TOP6BL: variants seen among roughly 807,000 people sequenced by gnomAD.
The protein encoded by TOP6BL is TOP6B like initiator of meiotic double strand breaks, also known as type 2 DNA topoisomerase 6 subunit B-like.
chr11:66,756,514 T>C, the TOP6BL span: 2 of 1,034,388 alleles, frequency 1.9e-6, no homozygotes, highest in Non-Finnish European at 2.3e-6. Flanking sequence ...GGGTGAGGAG[T>C]GCTTCCACCT....
At chr11:66,798,084 A>T in the TOP6BL span, among the ~76,000 whole-genome samples, 1 of 152,144 alleles carries the variant, frequency 6.6e-6, no homozygotes, top group Non-Finnish European at 1.5e-5. Flanking sequence ...TAACTTGAAG[A>T]GTCAGGATTT....
chr11:66,806,645 G>A, the TOP6BL span, among the ~76,000 whole-genome samples: 1 of 152,112 alleles, frequency 6.6e-6, no homozygotes, highest in African/African-American at 2.4e-5. Context: ...GCACATGACT[G>A]TAGTCCCAGC....
the TOP6BL span, chr11:66,815,962 CCTT>C: frequency 1.3e-5 from 16 of 1,277,554 alleles, no homozygotes; most frequent in Non-Finnish European, 1.7e-5. Context: ...ATTCTCAGAT[CCTT>C]CTTTGTTCAG....
chr11:66,801,005 T>C, the TOP6BL span: 1 of 1,610,568 alleles, frequency 6.2e-7, no homozygotes, highest in Non-Finnish European at 8.5e-7. Context: ...CTTTGAGAGA[T>C]GGCTTAGCTT....
At chr11:66,777,081 A>C in the TOP6BL span, among the ~76,000 whole-genome samples, 6 of 149,210 alleles carry the variant, frequency 4.0e-5, no homozygotes, top group African/African-American at 7.3e-5. Flanking sequence ...CTATATCTAT[A>C]TATATCTATA....
the TOP6BL span, chr11:66,842,946 A>C: frequency 3.9e-6 from 6 of 1,556,354 alleles, no homozygotes; most frequent in Non-Finnish European, 5.2e-6. Flanking sequence ...CGAGCCCGTC[A>C]GAGGCCGCCC....
the TOP6BL span, among the ~76,000 whole-genome samples, chr11:66,789,502 G>GAT: frequency 6.6e-6 from 1 of 152,156 alleles, no homozygotes; most frequent in African/African-American, 2.4e-5. Flanking sequence ...CAGGACAACA[G>GAT]ATATCCCTGG....
At chr11:66,833,615 T>A in the TOP6BL span, among the ~76,000 whole-genome samples, 1 of 152,072 alleles carries the variant, frequency 6.6e-6, no homozygotes, top group African/African-American at 2.4e-5. Context: ...TCTGAAGTAC[T>A]TTTACTTGGG....
At chr11:66,807,857 T>G in the TOP6BL span, among the ~76,000 whole-genome samples, 1 of 152,188 alleles carries the variant, frequency 6.6e-6, no homozygotes, top group East Asian at 1.9e-4. Context: ...AAGGGATAAC[T>G]AGAAGGCTAT....
the TOP6BL span, among the ~76,000 whole-genome samples, chr11:66,763,183 A>C: frequency 6.6e-6 from 1 of 152,248 alleles, no homozygotes; most frequent in South Asian, 2.1e-4. Flanking sequence ...CCTGGGTGAC[A>C]GAGTAAGACT....
At chr11:66,757,074 G>A in the TOP6BL span, among the ~76,000 whole-genome samples, 1 of 151,820 alleles carries the variant, frequency 6.6e-6, no homozygotes, top group Non-Finnish European at 1.5e-5. Context: ...CAGGCACTGT[G>A]GCTCATACCT....
At chr11:66,747,285 T>C in the TOP6BL span, among the ~76,000 whole-genome samples, 1 of 152,218 alleles carries the variant, frequency 6.6e-6, no homozygotes, top group Non-Finnish European at 1.5e-5. Flanking sequence ...ACTTAAAATA[T>C]TGTGTGTAGT....
At chr11:66,813,927 T>A in the TOP6BL span, 44 of 1,613,750 alleles carry the variant, frequency 2.7e-5, no homozygotes, top group East Asian at 8.9e-4. Context: ...AGCCGATGAC[T>A]ACTTTCTTCA....
At chr11:66,815,812 AGG>A in the TOP6BL span, 1 of 385,776 alleles carries the variant, frequency 2.6e-6, no homozygotes, top group Non-Finnish European at 4.7e-6. Flanking sequence ...AGTAATGTAA[AGG>A]AGTGCTGTTT....
At chr11:66,804,859 C>T in the TOP6BL span, among the ~76,000 whole-genome samples, 1 of 152,076 alleles carries the variant, frequency 6.6e-6, no homozygotes, top group African/African-American at 2.4e-5. Flanking sequence ...ATCACAAGGT[C>T]AGGACTTGGA....
chr11:66,797,251 C>T, the TOP6BL span, among the ~76,000 whole-genome samples: 1 of 151,932 alleles, frequency 6.6e-6, no homozygotes, highest in South Asian at 2.1e-4. Flanking sequence ...CCACACACCT[C>T]AGCCTCCCAA....
the TOP6BL span, among the ~76,000 whole-genome samples, chr11:66,788,432 G>A: frequency 6.6e-6 from 1 of 152,232 alleles, no homozygotes; most frequent in Admixed American, 6.5e-5. Flanking sequence ...TCACCTAGGA[G>A]CTCCCAAAAT....
the TOP6BL span, chr11:66,804,047 C>G: frequency 1.2e-5 from 19 of 1,613,858 alleles, no homozygotes; most frequent in South Asian, 2.2e-5. Flanking sequence ...TCACCCTGTG[C>G]TAGGACATCC....
At chr11:66,792,129 A>G in the TOP6BL span, among the ~76,000 whole-genome samples, 1 of 152,058 alleles carries the variant, frequency 6.6e-6, no homozygotes, top group Non-Finnish European at 1.5e-5. Flanking sequence ...TAATAATTCT[A>G]TGAGTAGATC....
Sources: allele counts gnomAD v4.1 joint callset (sites outside exome capture counted in the v4.1 genomes callset), GRCh38; gene constraint gnomAD v4.1.1; transcripts MANE v1.5; gene names NCBI Gene and HGNC (gene_info 2026-07-23, HGNC 2026-07-21).